FAF1: variants seen among roughly 807,000 people sequenced by gnomAD.
FAF1 encodes Fas associated factor 1.
FAF1 carries 25 observed loss-of-function variants against 92.5 expected under a neutral mutation model. The ratio of observed to expected loss-of-function variants is 0.27; its 90% CI spans 0.20 to 0.38. The LOEUF is 0.38. FAF1 is among the 10% of genes least tolerant of loss of function. The pLI is 1.00. For missense variants in FAF1, 636 were observed against 793.3 expected, an observed-to-expected ratio of 0.80 and a Z score of 2.38; for synonymous variants, 234 against 273.2, an observed-to-expected ratio of 0.86 and a Z score of 1.42.
At chr1:50,617,671 G>C (rs1393025487) in intron 8 of FAF1, among the ~76,000 whole-genome samples, 1 of 151,142 alleles carries the variant, frequency 6.6e-6, no homozygotes, top group Non-Finnish European at 1.5e-5. Flanking sequence ...GCATGAGCTA[G>C]GGAAGGAGTC....
At chr1:50,777,897 GCTACA>G (rs1413023344) in intron 4 of FAF1, among the ~76,000 whole-genome samples, 1 of 152,078 alleles carries the variant, frequency 6.6e-6, no homozygotes, top group African/African-American at 2.4e-5. Context: ...AAAATGTTTT[GCTACA>G]CCTGCTAACT....
Position 50,761,640 on chromosome 1 carries a change from G to C in FAF1, c.368-16865C>G, listed in dbSNP as rs555558243. Among the ~76,000 whole-genome samples the C allele has an allele frequency of 5.5e-4, 84 of 152,154 alleles. 1 individual carries two copies. The highest frequency in any genetic ancestry group is 3.9e-3 in the South Asian group (19 of 4,814). ...AAAGCCTTTGACAAAATTCAACAAC[G>C]CTTCATGCTAAAAACTCTCAATAAA... On this transcript the variant is annotated intron_variant, in intron 4 of 18. Transcript: ENST00000396153.
chr1:50,728,940 T>A (rs768032681), intron 6 of FAF1, among the ~76,000 whole-genome samples: 16 of 148,902 alleles, frequency 1.1e-4, no homozygotes, highest in Non-Finnish European at 1.6e-4. Context: ...TTGAAGATAG[T>A]AGAATAGATA....
intron 15 of FAF1, among the ~76,000 whole-genome samples, chr1:50,523,028 TTC>T (rs1215831512): frequency 6.6e-6 from 1 of 152,206 alleles, no homozygotes; most frequent in Non-Finnish European, 1.5e-5. Context: ...ACATTTGTCC[TTC>T]TGTGTCTAGC....
chr1:50,596,280 CTT>C, intron 8 of FAF1, 64 bp from the exon 9 acceptor site: 6 of 1,210,054 alleles, frequency 5.0e-6, no homozygotes, highest in Non-Finnish European at 7.3e-6. Flanking sequence ...AAGGATTTGA[CTT>C]TTCAGGTATT....
In FAF1 at chr1:50,959,924, T is replaced by A. The variant is rs1239125734; in HGVS notation, c.-113A>T. 8.1e-6 allele frequency: 5 copies of A among 614,254 alleles called. No homozygotes were observed. The highest frequency in any genetic ancestry group is 1.1e-5 in the Non-Finnish European group (5 of 453,228). The allele number at this position is 614,254 out of a possible 1,614,324, so 38.1% of individuals were successfully genotyped here. ...CCGCCGCCGCCGGGCGCCGAGGGGCTGGCGGGCGAGCCGGCGGGCGGGTCG... is the reference window on the plus strand; with the variant it reads ...CCGCCGCCGCCGGGCGCCGAGGGGCAGGCGGGCGAGCCGGCGGGCGGGTCG... On this transcript the variant is annotated 5_prime_UTR_variant, in exon 1 of 19. Transcript: ENST00000396153.
chr1:50,640,609 A>G (rs1003461083), intron 8 of FAF1, among the ~76,000 whole-genome samples: 2 of 151,862 alleles, frequency 1.3e-5, no homozygotes, highest in African/African-American at 4.8e-5. Context: ...CTAGTTTTCT[A>G]TTTCTCTTGG....
intron 8 of FAF1, among the ~76,000 whole-genome samples, chr1:50,618,992 T>C (rs1235693832): frequency 6.6e-6 from 1 of 152,060 alleles, no homozygotes; most frequent in Non-Finnish European, 1.5e-5. Context: ...CCTGACCTCA[T>C]GTAATTCACC....
At chr1:50,614,834 C>T (rs567603796) in intron 8 of FAF1, among the ~76,000 whole-genome samples, 52 of 134,634 alleles carry the variant, frequency 3.9e-4, no homozygotes, top group Non-Finnish European at 6.0e-4. Flanking sequence ...AGCGAAACTC[C>T]GTCTCAAAAA....
At chr1:50,549,412 G>A (rs185367675) in intron 13 of FAF1, among the ~76,000 whole-genome samples, 272 of 152,088 alleles carry the variant, frequency 1.8e-3, no homozygotes, top group African/African-American at 6.2e-3. Flanking sequence ...GGGCTCAAGC[G>A]ATCCTTCTGC....
At chr1:50,769,918 GC>G (rs1660718268) in intron 4 of FAF1, among the ~76,000 whole-genome samples, 1 of 152,108 alleles carries the variant, frequency 6.6e-6, no homozygotes, top group South Asian at 2.1e-4. Context: ...GCGCGTGGTG[GC>G]CCATGCCTAT....
chr1:50,535,964 T>G (rs891730932), intron 14 of FAF1, among the ~76,000 whole-genome samples: 1 of 152,180 alleles, frequency 6.6e-6, no homozygotes, highest in African/African-American at 2.4e-5. Flanking sequence ...GCTGGTTAAG[T>G]GGTGAGGCCA....
chr1:50,691,434 G>A (rs918976761), intron 7 of FAF1, among the ~76,000 whole-genome samples: 2 of 152,026 alleles, frequency 1.3e-5, no homozygotes, highest in African/African-American at 2.4e-5. Context: ...GTAGAGATGG[G>A]TTTCACCATG....
At chr1:50,808,432 G>A (rs1218992416) in intron 2 of FAF1, among the ~76,000 whole-genome samples, 2 of 152,096 alleles carry the variant, frequency 1.3e-5, no homozygotes, top group Non-Finnish European at 2.9e-5. Context: ...ATGTAAATGG[G>A]TTAATGCCCT....
chr1:50,644,488 C>CCTTT (rs1309167320), intron 8 of FAF1, among the ~76,000 whole-genome samples: 1 of 152,232 alleles, frequency 6.6e-6, no homozygotes, highest in Non-Finnish European at 1.5e-5. Context: ...ACTTGGGGAA[C>CCTTT]CCCATGCAGA....
intron 1 of FAF1, among the ~76,000 whole-genome samples, chr1:50,901,673 C>G (rs544001904): frequency 3.9e-5 from 6 of 152,192 alleles, no homozygotes; most frequent in African/African-American, 1.4e-4. Context: ...TCAATACCAG[C>G]CTAGGCAACA....
chr1:50,704,442 G>T (rs1657593887), intron 7 of FAF1, among the ~76,000 whole-genome samples: 1 of 152,106 alleles, frequency 6.6e-6, no homozygotes, highest in Non-Finnish European at 1.5e-5. Context: ...TTAAACTGAA[G>T]TTATTTTAAA....
chr1:50,612,461 T>A, intron 8 of FAF1: 2 of 1,092,478 alleles, frequency 1.8e-6, no homozygotes, highest in African/African-American at 3.4e-5. Flanking sequence ...CACAGAACCT[T>A]CAAATATGCA....
chr1:50,441,548 C>A, intron 18 of FAF1, 25 bp from the exon 19 acceptor site: 1 of 1,393,374 alleles, frequency 7.2e-7, no homozygotes, highest in Non-Finnish European at 9.9e-7. Flanking sequence ...AACACATATT[C>A]AAAAGACTGA....
Sources: gnomAD v4.1 joint callset for allele counts (sites outside exome capture counted in the v4.1 genomes callset) on GRCh38, gnomAD v4.1.1 for gene constraint, MANE v1.5 for transcripts, NCBI Gene and HGNC (gene_info 2026-07-23, HGNC 2026-07-21) for gene names.